Variants in EPB41L3 observed in about 807,000 individuals in gnomAD.
EPB41L3 encodes erythrocyte membrane protein band 4.1 like 3.
EPB41L3 carries 57 observed loss-of-function variants against 127.1 expected under a neutral mutation model. That is an observed-to-expected ratio of 0.45 (90% CI 0.36 to 0.56). The LOEUF is 0.56. EPB41L3 is among the 20% of genes least tolerant of loss of function. The pLI is 0.00. For synonymous variants in EPB41L3, 572 were observed against 549.5 expected, an observed-to-expected ratio of 1.04 and a Z score of -0.57; for missense variants, 1,273 against 1,372.2, an observed-to-expected ratio of 0.93 and a Z score of 1.14.
At chr18:5,469,553 G>C (rs1033526502) in intron 3 of EPB41L3, among the ~76,000 whole-genome samples, 2 of 152,170 alleles carry the variant, frequency 1.3e-5, no homozygotes, top group Admixed American at 6.5e-5. Flanking sequence ...GACAGGTGTG[G>C]GATCTGGGCC....
intron 3 of EPB41L3, among the ~76,000 whole-genome samples, chr18:5,586,344 T>C (rs1285948412): frequency 1.3e-5 from 2 of 152,044 alleles, no homozygotes; most frequent in African/African-American, 4.8e-5. Flanking sequence ...TATAAGTAAA[T>C]AGTCTAAATG....
intron 2 of EPB41L3, among the ~76,000 whole-genome samples, chr18:5,487,801 A>T (rs2090021515): frequency 6.6e-6 from 1 of 152,080 alleles, no homozygotes; most frequent in Non-Finnish European, 1.5e-5. Context: ...AAAAAAAAAA[A>T]AGGCAAACCT....
At chr18:5,470,516 T>A (rs570693016) in intron 3 of EPB41L3, among the ~76,000 whole-genome samples, 1 of 152,162 alleles carries the variant, frequency 6.6e-6, no homozygotes, top group Non-Finnish European at 1.5e-5. Context: ...TTAAAAAAAA[T>A]AGTTCAGTGC....
At chr18:5,479,547 C>A (rs2087977925) in intron 2 of EPB41L3, 1 of 152,126 alleles carries the variant, frequency 6.6e-6, no homozygotes, top group Non-Finnish European at 1.5e-5. Context: ...CAGATTTCTG[C>A]TTTATCTTCA....
intron 3 of EPB41L3, among the ~76,000 whole-genome samples, chr18:5,471,591 T>C (rs1194291783): frequency 6.6e-6 from 1 of 152,106 alleles, no homozygotes; most frequent in Non-Finnish European, 1.5e-5. Flanking sequence ...ATGTGAAAAA[T>C]TAACCATAGT....
intron 8 of EPB41L3, among the ~76,000 whole-genome samples, chr18:5,430,525 C>T (rs2078848615): frequency 6.6e-6 from 1 of 151,850 alleles, no homozygotes; most frequent in Non-Finnish European, 1.5e-5. Flanking sequence ...TTTTCTGCCA[C>T]AGCCCACAGT....
intron 2 of EPB41L3, among the ~76,000 whole-genome samples, chr18:5,614,165 T>C (rs2094764067): frequency 6.6e-6 from 1 of 152,178 alleles, no homozygotes; most frequent in African/African-American, 2.4e-5. Flanking sequence ...AGTCCACAGG[T>C]GTAGGAGGCT....
At chr18:5,630,048 G>C (rs2144407880), upstream of EPB41L3, among the ~76,000 whole-genome samples, 1 of 152,288 alleles carries the variant, frequency 6.6e-6, no homozygotes, top group African/African-American at 2.4e-5. Flanking sequence ...TCTGGGGTTC[G>C]CAGAGGCGCC....
chr18:5,629,797 C>T (rs544223109), upstream of EPB41L3, among the ~76,000 whole-genome samples: 1 of 152,150 alleles, frequency 6.6e-6, no homozygotes, highest in Non-Finnish European at 1.5e-5. Context: ...CTGCCGGGAC[C>T]GGGGAGCCAG....
At chr18:5,490,950 C>G (rs2090521477) in intron 1 of EPB41L3, among the ~76,000 whole-genome samples, 1 of 152,122 alleles carries the variant, frequency 6.6e-6, no homozygotes, top group South Asian at 2.1e-4. Context: ...TAACCACTAC[C>G]CCCCATCTCA....
intron 3 of EPB41L3, among the ~76,000 whole-genome samples, chr18:5,557,556 T>C (rs2149182576): frequency 6.6e-6 from 1 of 152,274 alleles, no homozygotes; most frequent in East Asian, 1.9e-4. Flanking sequence ...TGGCTAATTT[T>C]TGTATTTTTA....
intron 1 of EPB41L3, among the ~76,000 whole-genome samples, chr18:5,502,462 A>G (rs543945886): frequency 6.6e-6 from 1 of 152,326 alleles, no homozygotes; most frequent in Admixed American, 6.5e-5. Flanking sequence ...TCACAATGAA[A>G]TTAGTTTTAA....
intron 3 of EPB41L3, chr18:5,463,960 T>G (rs114295796): frequency 6.6e-6 from 1 of 152,162 alleles, no homozygotes; most frequent in Non-Finnish European, 1.5e-5. Flanking sequence ...TATCCAACCT[T>G]GTGAGCACAC....
intron 6 of EPB41L3, among the ~76,000 whole-genome samples, 158 bp downstream of exon 6, chr18:5,437,877 C>T (rs760717245): frequency 6.6e-6 from 1 of 152,194 alleles, no homozygotes; most frequent in Non-Finnish European, 1.5e-5. Flanking sequence ...ACTGGCAAAT[C>T]TCATCAGATG....
intron 6 of EPB41L3, among the ~76,000 whole-genome samples, chr18:5,434,538 G>A (rs540771016): frequency 6.6e-5 from 10 of 152,252 alleles, no homozygotes; most frequent in African/African-American, 1.9e-4. Flanking sequence ...GCCACAAAAC[G>A]ATGTTGCAGT....
At chr18:5,461,040 CT>C (rs779819728) in intron 3 of EPB41L3, among the ~76,000 whole-genome samples, 87 of 152,134 alleles carry the variant, frequency 5.7e-4, no homozygotes, top group African/African-American at 1.4e-3. Context: ...TTTTTCCCCC[CT>C]ATCATGAGGA....
chr18:5,595,929 T>A (rs2094532657), intron 3 of EPB41L3, among the ~76,000 whole-genome samples: 1 of 152,174 alleles, frequency 6.6e-6, no homozygotes, highest in African/African-American at 2.4e-5. Flanking sequence ...TTCCACTCCA[T>A]CCCCACATTC....
chr18:5,426,186 G>A (rs1419836067), intron 9 of EPB41L3, among the ~76,000 whole-genome samples: 1 of 151,968 alleles, frequency 6.6e-6, no homozygotes, highest in East Asian at 1.9e-4. Flanking sequence ...CATGTCTAAG[G>A]CCTTGAATAA....
intron 2 of EPB41L3, among the ~76,000 whole-genome samples, chr18:5,484,109 A>T (rs1012260205): frequency 1.4e-5 from 2 of 143,806 alleles, no homozygotes; most frequent in South Asian, 4.4e-4. Flanking sequence ...AAAAAAAAAA[A>T]AAAAAAAAAA....
Sources: allele counts gnomAD v4.1 joint callset (sites outside exome capture counted in the v4.1 genomes callset), GRCh38; gene constraint gnomAD v4.1.1; transcripts MANE v1.5; gene names NCBI Gene and HGNC (gene_info 2026-07-23, HGNC 2026-07-21).